Variants in SPATA16 observed in about 807,000 individuals in gnomAD.
SPATA16 encodes the protein spermatogenesis associated 16, also known as spermatogenesis-associated protein 16.
Under a neutral mutation model 63.3 loss-of-function variants are expected in SPATA16, and 36 were observed. The ratio of observed to expected loss-of-function variants is 0.57; its 90% CI spans 0.44 to 0.75. The LOEUF (loss-of-function observed/expected upper bound fraction) is 0.75. Among genes scored for constraint, SPATA16 ranks in the 30% least tolerant of loss-of-function variants. SPATA16 has a pLI of 0.00. For synonymous variants in SPATA16, 203 were observed against 216.7 expected (o/e 0.94, Z 0.56); for missense variants, 646 against 679.3 (o/e 0.95, Z 0.54).
intron 2 of SPATA16, among the ~76,000 whole-genome samples, chr3:173,114,523 ACTT>A (rs1340685680): frequency 2.0e-5 from 3 of 152,204 alleles, no homozygotes; most frequent in Non-Finnish European, 4.4e-5. Context: ...AGTCAAGGCC[ACTT>A]CTTAGGAAAG....
rs1553794210 is a variant in SPATA16 at position 173,023,139 on chromosome 3, G to GTC, written c.759-3565_759-3564insGA. ...TTCACATGATTTGATGCTTGTGTATGTGTGTGTGTGTGTGTGTGTGTGTGT... is the reference window on the plus strand; with the variant it reads ...TTCACATGATTTGATGCTTGTGTATGTCTGTGTGTGTGTGTGTGTGTGTGTGT... On this transcript the variant is annotated intron_variant, in intron 3 of 10. Transcript: ENST00000351008. Among the ~76,000 whole-genome samples the GTC allele has an allele frequency of 2.9e-4, 36 of 123,298 alleles. No homozygotes were observed. The South Asian group carries it at 8.5e-3, about 29-fold the overall frequency. The allele number at this position is 123,298 out of a possible 152,430, so 80.9% of individuals were successfully genotyped here. A position where few individuals can be genotyped will look rare whatever the true frequency, so the allele number is the denominator to read the frequency against.
chr3:172,907,901 A>G (rs1234227364), intron 10 of SPATA16, among the ~76,000 whole-genome samples: 2 of 151,920 alleles, frequency 1.3e-5, no homozygotes, highest in African/African-American at 2.4e-5. Flanking sequence ...TACATGTGCT[A>G]TTTTCTTTAC....
intron 2 of SPATA16, among the ~76,000 whole-genome samples, chr3:173,099,896 T>A (rs966215530): frequency 1.3e-5 from 2 of 152,194 alleles, no homozygotes; most frequent in African/African-American, 2.4e-5. Context: ...TTCATTTTAA[T>A]CTTTTCATAT....
intron 2 of SPATA16, among the ~76,000 whole-genome samples, chr3:173,054,535 C>A (rs914028463): frequency 2.6e-5 from 4 of 152,034 alleles, no homozygotes; most frequent in Non-Finnish European, 5.9e-5. Flanking sequence ...AACACAGGAA[C>A]AGAAAACTAA....
intron 2 of SPATA16, among the ~76,000 whole-genome samples, chr3:173,074,992 C>CAAAAAAA (rs35683679): frequency 3.0e-5 from 2 of 66,812 alleles, no homozygotes; most frequent in African/African-American, 4.3e-5. Flanking sequence ...GACTCTATCT[C>CAAAAAAA]AAAAAAAAAA....
intron 4 of SPATA16, among the ~76,000 whole-genome samples, chr3:172,978,230 G>A (rs7613945): frequency 0.61 from 91,829 of 151,510 alleles, 28,325 homozygotes; most frequent in African/African-American, 0.71. Flanking sequence ...ATAAATGACA[G>A]TAATTTAAGA....
At chr3:172,931,359 G>C (rs1027482148) in intron 6 of SPATA16, among the ~76,000 whole-genome samples, 70 of 152,182 alleles carry the variant, frequency 4.6e-4, no homozygotes, top group Admixed American at 4.6e-3. Flanking sequence ...TCCTGCCTCA[G>C]ACTCCAGAGA....
At chr3:173,137,665 A>T (rs143341659) in intron 1 of SPATA16, among the ~76,000 whole-genome samples, 1 of 152,170 alleles carries the variant, frequency 6.6e-6, no homozygotes, top group African/African-American at 2.4e-5. Context: ...TGTTAACTAC[A>T]TCAGTAAATA....
chr3:172,937,377 C>T (rs1038774871), intron 6 of SPATA16, among the ~76,000 whole-genome samples: 1 of 152,018 alleles, frequency 6.6e-6, no homozygotes, highest in Non-Finnish European at 1.5e-5. Flanking sequence ...TGATTCCCAG[C>T]CTTTTGGTTT....
At chr3:173,076,604 C>T (rs1736809959) in intron 2 of SPATA16, among the ~76,000 whole-genome samples, 1 of 151,644 alleles carries the variant, frequency 6.6e-6, no homozygotes, top group Non-Finnish European at 1.5e-5. Flanking sequence ...TTTTAAACAG[C>T]TGAGATTTTA....
chr3:172,903,311 G>A (rs951967173), intron 10 of SPATA16, among the ~76,000 whole-genome samples: 9 of 152,212 alleles, frequency 5.9e-5, no homozygotes, highest in Non-Finnish European at 1.0e-4. Flanking sequence ...TTGGAAAGAT[G>A]CATTTTGAAA....
intron 6 of SPATA16, among the ~76,000 whole-genome samples, chr3:172,932,328 C>T (rs1419128695): frequency 6.6e-6 from 1 of 152,014 alleles, no homozygotes; most frequent in Non-Finnish European, 1.5e-5. Flanking sequence ...TCATTTTCTC[C>T]TCTCTTTTCT....
chr3:173,003,106 A>G (rs1734862444), intron 4 of SPATA16, among the ~76,000 whole-genome samples: 6 of 152,188 alleles, frequency 3.9e-5, no homozygotes. Context: ...CCATGAAGTT[A>G]TCTTAAGTCA....
At chr3:173,039,784 A>G (rs1210638646) in intron 3 of SPATA16, among the ~76,000 whole-genome samples, 1 of 152,122 alleles carries the variant, frequency 6.6e-6, no homozygotes, top group African/African-American at 2.4e-5. Context: ...GAGGCATGGC[A>G]AAGTGTCATA....
chr3:172,956,799 C>G lies in SPATA16; in HGVS notation c.959G>C (p.Arg320Thr). The change falls in exon 6 of 11, where the codon AGA becomes ACA. Residue 320 changes from arginine to threonine, a missense_variant. By Grantham distance (71) the Arg-to-Thr change is moderately conservative. Transcript: ENST00000351008. ...WQAMIEEAIT[R>T]AESFSVMYTP... The stretch of plus-strand genomic sequence containing the variant: ...GTACATAACCGAGAAAGATTCAGCT[C>G]TGGTGATGGCTTCCTCAATCATGGC... 6.2e-7 allele frequency: 1 copy of G among 1,613,304 alleles called. No individual in the cohort carries two copies. Among genetic ancestry groups the G allele is most frequent in the Non-Finnish European group, 8.5e-7 (1 of 1,179,516 alleles).
At chr3:172,909,934 T>C (rs1273952520) in intron 10 of SPATA16, among the ~76,000 whole-genome samples, 3 of 152,092 alleles carry the variant, frequency 2.0e-5, no homozygotes, top group Non-Finnish European at 4.4e-5. Flanking sequence ...TATAGACAGA[T>C]ATCATGTCAA....
intron 6 of SPATA16, among the ~76,000 whole-genome samples, chr3:172,929,180 C>T (rs573789657): frequency 1.3e-5 from 2 of 152,198 alleles, no homozygotes; most frequent in South Asian, 2.1e-4. Flanking sequence ...CATTCCTTTA[C>T]AATTTATCCC....
intron 4 of SPATA16, among the ~76,000 whole-genome samples, chr3:173,013,518 C>CA (rs1205734991): frequency 6.6e-6 from 1 of 152,154 alleles, no homozygotes; most frequent in Non-Finnish European, 1.5e-5. Context: ...ACACACTTTA[C>CA]AAAAGGGGGT....
At chr3:173,069,852 A>G (rs539871665) in intron 2 of SPATA16, among the ~76,000 whole-genome samples, 1 of 152,346 alleles carries the variant, frequency 6.6e-6, no homozygotes, top group African/African-American at 2.4e-5. Context: ...AATAAATGTA[A>G]TACACCATAT....
Sources: allele counts gnomAD v4.1 joint callset (sites outside exome capture counted in the v4.1 genomes callset), GRCh38; gene constraint gnomAD v4.1.1; transcripts MANE v1.5; gene names NCBI Gene and HGNC (gene_info 2026-07-23, HGNC 2026-07-21).